Variants in KSR2 observed in about 807,000 individuals in gnomAD.
KSR2 encodes kinase suppressor of ras 2.
In KSR2, 25 loss-of-function variants were observed where a neutral mutation model predicts 107.8. The observed-to-expected ratio is 0.23, with a 90% confidence interval of 0.17 to 0.32. The LOEUF is 0.32. Among genes scored for constraint, KSR2 ranks in the 10% least tolerant of loss-of-function variants. The probability of loss-of-function intolerance (pLI) is 1.00; values close to 1 mark genes in which losing one functional copy is unlikely to be tolerated. For missense variants in KSR2, 887 were observed against 1,268.9 expected (o/e 0.70, Z 4.57); for synonymous variants, 480 against 507.0 (o/e 0.95, Z 0.71).
Position 117,454,371 on chromosome 12 carries a change from T to G in KSR2, c.*12828A>C, listed in dbSNP as rs1870491622. 6.6e-6 allele frequency: 1 copy of G among 152,244 alleles called. No homozygotes were observed. The highest frequency in any genetic ancestry group is 1.5e-5 in the Non-Finnish European group (1 of 68,042). 9.4% of individuals were successfully genotyped at this position (152,244 alleles called of 1,614,324 possible). ...CTCAAGAAATGCAAATTGAGTCAAGTTGAAGCAGATAAACAAGCCTCGCTA... is the reference window on the plus strand; with the variant it reads ...CTCAAGAAATGCAAATTGAGTCAAGGTGAAGCAGATAAACAAGCCTCGCTA... On this transcript the variant is annotated 3_prime_UTR_variant, in exon 20 of 20. Coordinates refer to ENST00000339824, the MANE Select transcript of KSR2 (RefSeq NM_173598.6).
chr12:117,859,019 A>G (rs1022265694), intron 2 of KSR2, among the ~76,000 whole-genome samples: 3 of 152,086 alleles, frequency 2.0e-5, no homozygotes, highest in African/African-American at 4.8e-5. Context: ...AAATCTCACA[A>G]TCCTCAAGAT....
chr12:117,669,862 T>C (rs1884830765), intron 4 of KSR2, among the ~76,000 whole-genome samples: 1 of 152,084 alleles, frequency 6.6e-6, no homozygotes, highest in Admixed American at 6.5e-5. Context: ...AGTGAGACCC[T>C]GTCTCTAAAA....
At chr12:117,697,167 G>T (rs1019091022) in intron 4 of KSR2, among the ~76,000 whole-genome samples, 6 of 152,334 alleles carry the variant, frequency 3.9e-5, no homozygotes, top group Middle Eastern at 3.4e-3. Context: ...AGCTCAGGAA[G>T]GACAGCGTCC....
chr12:117,802,645 C>T (rs893838151), intron 3 of KSR2, among the ~76,000 whole-genome samples: 3 of 152,184 alleles, frequency 2.0e-5, no homozygotes, highest in African/African-American at 7.2e-5. Flanking sequence ...TCTTAGCAGG[C>T]CCCCTGGGAA....
rs1053621587 is a variant in KSR2, at chr12:117,460,724, G to A, written c.*6475C>T. 3.9e-5 allele frequency: 6 copies of A among 152,156 alleles called. No homozygotes were observed. The highest frequency in any genetic ancestry group is 7.3e-5 in the Non-Finnish European group (5 of 68,056). The allele number at this position is 152,156 out of a possible 1,614,324, so 9.4% of individuals were successfully genotyped here. A position where few individuals can be genotyped will look rare whatever the true frequency, so the allele number is the denominator to read the frequency against. ...CCCCTTGACCTGGAGGTGGGTTCCT[G>A]GGAATGGATGAGCCCAAAGACTCGT... On this transcript the variant is annotated 3_prime_UTR_variant, in exon 20 of 20. Transcript: ENST00000339824.
chr12:117,768,178 A>G (rs1889313231), intron 3 of KSR2, among the ~76,000 whole-genome samples: 1 of 152,182 alleles, frequency 6.6e-6, no homozygotes, highest in South Asian at 2.1e-4. Context: ...TTGGACCCCA[A>G]ACTCCTGCTC....
Position 117,793,160 on chromosome 12 carries a change from GCACACCAACATGTACA to G in KSR2, c.473-31652_473-31637del, listed in dbSNP as rs1392922625. On this transcript the variant is annotated intron_variant, in intron 3 of 19. Transcript: ENST00000339824. ...CTAACATGCATATACCAATATGCAC[GCACACCAACATGTACA>G]CACACCAATGTGCACACATACACAC... Among the ~76,000 whole-genome samples the G allele has an allele frequency of 3.4e-4, 39 of 115,214 alleles. 1 individual carries two copies. In the East Asian group the frequency reaches 0.011, roughly 31 times the overall value. 75.6% of individuals were successfully genotyped at this position (115,214 alleles called of 152,430 possible). A position where few individuals can be genotyped will look rare whatever the true frequency, so the allele number is the denominator to read the frequency against.
In KSR2 at chr12:117,458,589, C is replaced by T. The variant is rs891409845; in HGVS notation, c.*8610G>A. 1 of 152,136 alleles carries T rather than the reference C, an allele frequency of 6.6e-6. No individual in the cohort carries two copies. Among genetic ancestry groups the T allele is most frequent in the Admixed American group, 6.5e-5 (1 of 15,278 alleles). The allele number at this position is 152,136 out of a possible 1,614,324, so 9.4% of individuals were successfully genotyped here. On this transcript the variant is annotated 3_prime_UTR_variant, in exon 20 of 20. Transcript: ENST00000339824. ...AATACATGGCAGCTATTTTTCATCT[C>T]TACAATTGTGCAACTTTCTCCTCAG...
rs112816014 is a variant in KSR2 at position 117,566,504 on chromosome 12, G to A, written c.1326-7931C>T. ...ATGTGGTATTTGGTTTTCTGTTCCC[G>A]CATTAGTTTGCTAAGGATGATGGCC... On this transcript the variant is annotated intron_variant, in intron 7 of 19. Coordinates refer to ENST00000339824, the MANE Select transcript of KSR2 (RefSeq NM_173598.6). Among the ~76,000 whole-genome samples, 462 of 152,238 alleles carry A rather than the reference G, an allele frequency of 3.0e-3. 3 individuals are homozygous for A. The highest frequency in any genetic ancestry group is 0.011 in the African/African-American group (437 of 41,530).
chr12:117,945,051 A>G (rs1156389643), intron 1 of KSR2, among the ~76,000 whole-genome samples: 3 of 152,198 alleles, frequency 2.0e-5, no homozygotes, highest in Non-Finnish European at 4.4e-5. Context: ...ACTTAACAAA[A>G]TATCTCAGAA....
At position 117,524,978 on chromosome 12, in the gene KSR2, C is replaced by T. The variant is rs1340554523; in HGVS notation, c.2093G>A (p.Arg698Lys). Residue 698 changes from arginine (R) to lysine (K), a missense_variant, in exon 14 of 20, where the codon AGG (arginine) becomes AAG (lysine). Physicochemically the swap from Arg to Lys is conservative, Grantham distance 26. Coordinates refer to ENST00000339824, the MANE Select transcript of KSR2 (RefSeq NM_173598.6). ...GGCCTTGAGCTGGTCCTCGTTGTCCCTCTCAATGTCAATCAGCCGGATGGC... is the reference window on the plus strand; with the variant it reads ...GGCCTTGAGCTGGTCCTCGTTGTCCTTCTCAATGTCAATCAGCCGGATGGC... ...EVAIRLIDIERDNEDQLKAFK... is the reference protein window; with the variant it reads ...EVAIRLIDIEKDNEDQLKAFK... The T allele has an allele frequency of 3.7e-6, 6 of 1,613,868 alleles. No homozygotes were observed. Among genetic ancestry groups the T allele is most frequent in the Non-Finnish European group, 5.1e-6 (6 of 1,179,846 alleles).
chr12:117,562,069 G>C (rs11610641), intron 7 of KSR2, among the ~76,000 whole-genome samples: 36,707 of 152,012 alleles, frequency 0.24, 4,553 homozygotes, highest in South Asian at 0.41. Context: ...AAATGGGTTG[G>C]GGGGAATGAT....
chr12:117,468,905 T>C (rs1871283879), intron 19 of KSR2, among the ~76,000 whole-genome samples: 1 of 152,206 alleles, frequency 6.6e-6, no homozygotes, highest in South Asian at 2.1e-4. Context: ...ACTGCTCCTG[T>C]GTCTGCATGA....
intron 1 of KSR2, among the ~76,000 whole-genome samples, chr12:117,915,668 C>A (rs1421448061): frequency 6.6e-6 from 1 of 152,162 alleles, no homozygotes; most frequent in African/African-American, 2.4e-5. Context: ...TGGATCCTGA[C>A]AAGTTTAAAA....
intron 1 of KSR2, among the ~76,000 whole-genome samples, chr12:117,879,284 TAGAGTA>T (rs1295578612): frequency 3.3e-5 from 5 of 152,322 alleles, no homozygotes; most frequent in African/African-American, 9.6e-5. Context: ...TTTAGCCAGT[TAGAGTA>T]AGAGTTCACC....
At chr12:117,966,452 C>T (rs1367144221) in intron 1 of KSR2, among the ~76,000 whole-genome samples, 5 of 152,068 alleles carry the variant, frequency 3.3e-5, no homozygotes, top group African/African-American at 2.4e-5. Flanking sequence ...TCCCAAGCTC[C>T]AGGAAAGGCA....
rs144588275 is a variant in KSR2, at chr12:117,866,218, G to A, written c.181-5787C>T. 2.5e-3 allele frequency among the ~76,000 whole-genome samples: 386 copies of A among 151,490 alleles called. 5 individuals carry two copies. The highest frequency in any genetic ancestry group is 8.5e-3 in the African/African-American group (350 of 41,052). On this transcript the variant is annotated intron_variant, in intron 1 of 19. Coordinates refer to ENST00000339824, the MANE Select transcript of KSR2 (RefSeq NM_173598.6). ...TGCCTGGCATGGGCCACCACACCAC[G>A]CCTTTTTTAATTTTTTGTAGAGACG...
At chr12:117,900,189 C>G (rs143920108) in intron 1 of KSR2, among the ~76,000 whole-genome samples, 2 of 152,330 alleles carry the variant, frequency 1.3e-5, no homozygotes, top group Non-Finnish European at 2.9e-5. Flanking sequence ...CAATAGAAAA[C>G]TAATACAGAG....
intron 9 of KSR2, among the ~76,000 whole-genome samples, chr12:117,548,391 G>T (rs990410621): frequency 1.3e-5 from 2 of 152,034 alleles, no homozygotes; most frequent in Admixed American, 6.6e-5. Context: ...CCTTTATGAT[G>T]ATTTGTGTCC....
Sources: allele counts gnomAD v4.1 joint callset (sites outside exome capture counted in the v4.1 genomes callset), GRCh38; gene constraint gnomAD v4.1.1; transcripts MANE v1.5; gene names NCBI Gene and HGNC (gene_info 2026-07-23, HGNC 2026-07-21).